Variants in FSTL1 observed in about 807,000 individuals in gnomAD.
FSTL1 encodes the protein follistatin-related protein 1.
FSTL1 carries 24 observed loss-of-function variants against 45.9 expected under a neutral mutation model. That is an observed-to-expected ratio of 0.52 (90% CI 0.38 to 0.74). FSTL1 has a LOEUF of 0.74. Among genes scored for constraint, FSTL1 ranks in the 30% least tolerant of loss-of-function variants. The pLI, the probability that FSTL1 is intolerant of heterozygous loss-of-function variation, is 0.00. For missense variants in FSTL1, 340 were observed against 381.8 expected (o/e 0.89, Z 0.91); for synonymous variants, 120 against 137.6 (o/e 0.87, Z 0.89).
At chr3:120,431,752 C>T (rs553856424) in intron 2 of FSTL1, among the ~76,000 whole-genome samples, 8 of 152,288 alleles carry the variant, frequency 5.3e-5, no homozygotes, top group East Asian at 1.9e-4. Flanking sequence ...AGAAAGAGGA[C>T]GACCTTCTTT....
intron 2 of FSTL1, among the ~76,000 whole-genome samples, chr3:120,422,264 T>C (rs1176971789): frequency 6.6e-6 from 1 of 152,234 alleles, no homozygotes; most frequent in Non-Finnish European, 1.5e-5. Flanking sequence ...ATGTACAGCA[T>C]GGCGATGATA....
intron 6 of FSTL1, 113 bp downstream of exon 6, chr3:120,409,419 G>T: frequency 1.1e-6 from 1 of 934,468 alleles, no homozygotes; most frequent in Non-Finnish European, 1.7e-6. Context: ...GAAACTCAGG[G>T]TGTCTGTGCA....
chr3:120,409,212 C>T (rs1937003130), intron 6 of FSTL1, among the ~76,000 whole-genome samples: 1 of 152,190 alleles, frequency 6.6e-6, no homozygotes, highest in Non-Finnish European at 1.5e-5. Flanking sequence ...GTATTAACAG[C>T]CAGATCCATA....
rs144304906 is a variant in FSTL1, at chr3:120,431,133, G to A, written c.64-15106C>T. Among the ~76,000 whole-genome samples, 475 of 152,126 alleles carry A rather than the reference G, an allele frequency of 3.1e-3. 3 individuals are homozygous for A. The highest frequency in any genetic ancestry group is 0.01 in the African/African-American group (427 of 41,516). Reference sequence around the variant, plus strand: ...ATTATAGGTGCCTGCCACCATGCCCGGACAATTTTTGTGTTTTTAGTAGAG... The same window carrying A: ...ATTATAGGTGCCTGCCACCATGCCCAGACAATTTTTGTGTTTTTAGTAGAG... On this transcript the variant is annotated intron_variant, in intron 2 of 10. Coordinates refer to ENST00000295633, the MANE Select transcript of FSTL1 (RefSeq NM_007085.5).
intron 2 of FSTL1, among the ~76,000 whole-genome samples, chr3:120,435,100 T>A (rs751343307): frequency 2.0e-5 from 3 of 152,082 alleles, no homozygotes; most frequent in Non-Finnish European, 2.9e-5. Flanking sequence ...GCACCTGTAA[T>A]CCCAGCTACT....
chr3:120,422,328 T>G (rs936364844), intron 2 of FSTL1, among the ~76,000 whole-genome samples: 1 of 152,228 alleles, frequency 6.6e-6, no homozygotes, highest in Admixed American at 6.5e-5. Flanking sequence ...GATCATAAAT[T>G]AAATTTTCTC....
rs1378135973 is a variant in FSTL1 at position 120,450,591 on chromosome 3, G to T, written c.63+93C>A. 26 of 782,270 alleles carry T rather than the reference G, an allele frequency of 3.3e-5. 1 individual carries two copies. Among genetic ancestry groups the T allele is most frequent in the Non-Finnish European group, 4.8e-5 (25 of 523,648 alleles). 48.5% of individuals were successfully genotyped at this position (782,270 alleles called of 1,614,324 possible). On this transcript the variant is annotated intron_variant, in intron 2 of 10. Coordinates refer to ENST00000295633, the MANE Select transcript of FSTL1 (RefSeq NM_007085.5). ...GACCGAAACTCCCAGCGCCACCCCGGGAGAGCATCCCCAGGACGCGCGCCC... is the reference window on the plus strand; with the variant it reads ...GACCGAAACTCCCAGCGCCACCCCGTGAGAGCATCCCCAGGACGCGCGCCC...
chr3:120,410,913 C>T (rs763687534), intron 5 of FSTL1, 39 bp downstream of exon 5: 3 of 1,494,194 alleles, frequency 2.0e-6, no homozygotes, highest in Non-Finnish European at 1.9e-6. Flanking sequence ...AAAGAATGTC[C>T]TCCCTGAGAT....
chr3:120,404,417 C>T (rs573877708), intron 7 of FSTL1, among the ~76,000 whole-genome samples: 4 of 152,192 alleles, frequency 2.6e-5, no homozygotes, highest in South Asian at 4.2e-4. Flanking sequence ...TAAAAGTAGA[C>T]GGGCATATAT....
At chr3:120,446,870 T>A (rs1342328752) in intron 2 of FSTL1, among the ~76,000 whole-genome samples, 1 of 152,198 alleles carries the variant, frequency 6.6e-6, no homozygotes, top group Non-Finnish European at 1.5e-5. Flanking sequence ...TTGCTATTGT[T>A]CTCTCTTAGG....
intron 7 of FSTL1, 114 bp from the exon 8 acceptor site, chr3:120,403,468 G>T: frequency 1.6e-6 from 1 of 643,438 alleles, no homozygotes. Flanking sequence ...CCAAGAAGAT[G>T]ACTGCTAACT....
In FSTL1 at chr3:120,409,941, T is replaced by C. The variant is rs1286628237; in HGVS notation, c.332-279A>G. 2.8e-5 allele frequency: 7 copies of C among 249,064 alleles called. No individual in the cohort carries two copies. In the East Asian group the frequency reaches 4.7e-4, roughly 17 times the overall value. The allele number at this position is 249,064 out of a possible 1,614,324, so 15.4% of individuals were successfully genotyped here. A position where few individuals can be genotyped will look rare whatever the true frequency, so the allele number is the denominator to read the frequency against. ...ACTAGAGCAGAAAAATAATAAAGGA[T>C]ACTTTCATTAACTTTAGGAAGCTGA... On this transcript the variant is annotated intron_variant, in intron 5 of 10. Coordinates refer to ENST00000295633, the MANE Select transcript of FSTL1 (RefSeq NM_007085.5).
chr3:120,395,680 T>C lies in FSTL1; in HGVS notation c.*1272A>G, dbSNP rs1936683401. 1.9e-6 allele frequency: 1 copy of C among 534,500 alleles called. No individual in the cohort carries two copies. The highest frequency in any genetic ancestry group is 1.9e-5 in the African/African-American group (1 of 51,938). The allele number at this position is 534,500 out of a possible 1,614,324, so 33.1% of individuals were successfully genotyped here. A position where few individuals can be genotyped will look rare whatever the true frequency, so the allele number is the denominator to read the frequency against. ...TAGTAACAAGATTTCATTTATTCTA[T>C]AGAGAAGAAGGAAAAATCACAGGAA... is the stretch of plus-strand genomic sequence containing the variant. On this transcript the variant is annotated 3_prime_UTR_variant, in exon 11 of 11. Transcript: ENST00000295633.
Position 120,402,814 on chromosome 3 carries a change from A to G in FSTL1, c.799T>C (p.Cys267Arg). 1.9e-6 allele frequency: 3 copies of G among 1,574,210 alleles called. No homozygotes were observed. Among genetic ancestry groups the G allele is most frequent in the Non-Finnish European group, 2.6e-6 (3 of 1,143,680 alleles). Residue 267 changes from cysteine (C) to arginine (R), a missense_variant, in exon 9 of 11, where the codon TGT (cysteine) becomes CGT (arginine). Cys to Arg is a radical substitution (Grantham distance 180, BLOSUM62 -3). Transcript: ENST00000295633. ...TGCTTGAAGCACAGCTCACCGTCAC[A>G]GGTCATGGCTGTACAGACCCAATTT... is the stretch of plus-strand genomic sequence containing the variant. ...CGNWVCTAMTCDGKNQKGAQT... is the reference protein window; with the variant it reads ...CGNWVCTAMTRDGKNQKGAQT...
intron 3 of FSTL1, 53 bp downstream of exon 3, chr3:120,415,870 G>A (rs888078702): frequency 3.9e-6 from 4 of 1,020,868 alleles, no homozygotes; most frequent in Admixed American, 3.5e-5. Context: ...GGCTCCGCAA[G>A]GTACCACATT....
intron 2 of FSTL1, among the ~76,000 whole-genome samples, chr3:120,442,193 AT>A (rs1937636581): frequency 6.6e-6 from 1 of 152,234 alleles, no homozygotes; most frequent in Non-Finnish European, 1.5e-5. Flanking sequence ...CCAAGATCTA[AT>A]CGAGTAGACA....
chr3:120,430,209 C>T (rs1274816803), intron 2 of FSTL1, among the ~76,000 whole-genome samples: 2 of 152,166 alleles, frequency 1.3e-5, no homozygotes, highest in Non-Finnish European at 2.9e-5. Flanking sequence ...ACCCAGAGTG[C>T]GTCTCCTAGA....
intron 2 of FSTL1, among the ~76,000 whole-genome samples, chr3:120,442,784 A>C (rs1201079145): frequency 1.3e-5 from 2 of 148,230 alleles, no homozygotes; most frequent in African/African-American, 5.0e-5. Context: ...TCCATCTCAA[A>C]AAAGAAAAAA....
chr3:120,397,864 T>G (rs142179850), intron 10 of FSTL1, among the ~76,000 whole-genome samples: 78 of 152,310 alleles, frequency 5.1e-4, no homozygotes, highest in African/African-American at 1.7e-3. Context: ...TAAATATCCA[T>G]TAAATGATGA....
Sources: allele counts gnomAD v4.1 joint callset (sites outside exome capture counted in the v4.1 genomes callset), GRCh38; gene constraint gnomAD v4.1.1; transcripts MANE v1.5; gene names NCBI Gene and HGNC (gene_info 2026-07-23, HGNC 2026-07-21).